MAD1L1: variants seen among roughly 807,000 people sequenced by gnomAD.
MAD1L1 encodes mitotic spindle assembly checkpoint protein MAD1.
In MAD1L1, 95 loss-of-function variants were observed where a neutral mutation model predicts 96.9. The observed-to-expected ratio is 0.98, with a 90% CI of 0.83 to 1.16. The LOEUF is 1.16. Among genes scored for constraint, MAD1L1 ranks in the 50% most tolerant of loss-of-function variants. The probability of loss-of-function intolerance (pLI) is 0.00; values close to 1 mark genes in which losing one functional copy is unlikely to be tolerated. For missense variants in MAD1L1, 1,007 were observed against 954.4 expected (o/e 1.06, Z -0.73); for synonymous variants, 473 against 396.6 (o/e 1.19, Z -2.29).
chr7:2,145,246 T>C (rs1789238853), intron 11 of MAD1L1, among the ~76,000 whole-genome samples: 1 of 152,206 alleles, frequency 6.6e-6, no homozygotes, highest in African/African-American at 2.4e-5. Context: ...AGACACTCTC[T>C]CTGCTGTAAG....
In MAD1L1 at chr7:1,827,546, C is replaced by A. The variant is rs1340655432; in HGVS notation, c.1999-11318G>T. Among the ~76,000 whole-genome samples the A allele has an allele frequency of 2.1e-4, 28 of 131,856 alleles. 1 individual carries two copies. Among genetic ancestry groups the A allele is most frequent in the South Asian group, 5.1e-4 (2 of 3,886 alleles). 86.5% of individuals were successfully genotyped at this position (131,856 alleles called of 152,430 possible). A position where few individuals can be genotyped will look rare whatever the true frequency, so the allele number is the denominator to read the frequency against. ...CCTGAGCCCGTCCCGGGTGTGGGGGCCTCCCCTCCTGAGCCCGTCCCGGGT... is the reference window on the plus strand; with the variant it reads ...CCTGAGCCCGTCCCGGGTGTGGGGGACTCCCCTCCTGAGCCCGTCCCGGGT... On this transcript the variant is annotated intron_variant, in intron 18 of 18. Transcript: ENST00000265854.
At chr7:1,938,935 G>T (rs1341446626) in intron 16 of MAD1L1, among the ~76,000 whole-genome samples, 6 of 105,660 alleles carry the variant, frequency 5.7e-5, no homozygotes, top group Non-Finnish European at 9.1e-5. Flanking sequence ...ACACATACAG[G>T]CCAGGACCGG....
chr7:1,908,107 A>G (rs1787786650), intron 17 of MAD1L1, among the ~76,000 whole-genome samples: 1 of 152,216 alleles, frequency 6.6e-6, no homozygotes, highest in South Asian at 2.1e-4. Flanking sequence ...GCCTGGGCAC[A>G]GCACCTTTCC....
chr7:1,833,263 G>A (rs112767801), intron 18 of MAD1L1, among the ~76,000 whole-genome samples: 3,949 of 152,318 alleles, frequency 0.026, 110 homozygotes, highest in Admixed American at 0.072. Flanking sequence ...AACCAAATGC[G>A]TGATATACCC....
chr7:2,034,512 G>A (rs1000957608), intron 12 of MAD1L1, among the ~76,000 whole-genome samples: 2 of 152,164 alleles, frequency 1.3e-5, no homozygotes, highest in African/African-American at 2.4e-5. Flanking sequence ...CACCGCAGCC[G>A]GCCAAGAGTT....
At chr7:2,191,462 G>A (rs1255064713) in intron 10 of MAD1L1, among the ~76,000 whole-genome samples, 1 of 152,226 alleles carries the variant, frequency 6.6e-6, no homozygotes, top group Non-Finnish European at 1.5e-5. Context: ...CTAGGGTGGA[G>A]GCTAACACCT....
chr7:1,897,944 T>C (rs1162661244), intron 18 of MAD1L1, among the ~76,000 whole-genome samples: 3 of 152,140 alleles, frequency 2.0e-5, no homozygotes, highest in Admixed American at 6.5e-5. Context: ...AGACAGAGGC[T>C]GAGAAAGTCA....
At chr7:2,007,285 C>T (rs1029564169) in intron 13 of MAD1L1, among the ~76,000 whole-genome samples, 32 of 152,236 alleles carry the variant, frequency 2.1e-4, no homozygotes, top group African/African-American at 7.0e-4. Context: ...AGTGCCACAG[C>T]GGAGCGTTCT....
chr7:1,890,937 C>T (rs1405904355), intron 18 of MAD1L1, among the ~76,000 whole-genome samples: 2 of 152,308 alleles, frequency 1.3e-5, no homozygotes, highest in South Asian at 2.1e-4. Flanking sequence ...AGTGAGAATG[C>T]GGGACCCCAG....
chr7:2,077,152 C>A (rs1277817311), intron 11 of MAD1L1, among the ~76,000 whole-genome samples: 1 of 152,196 alleles, frequency 6.6e-6, no homozygotes, highest in Admixed American at 6.5e-5. Context: ...GCACGGTGAG[C>A]CTGCCAGTGG....
chr7:2,159,982 CT>C (rs1790024165), intron 10 of MAD1L1, among the ~76,000 whole-genome samples: 1 of 152,084 alleles, frequency 6.6e-6, no homozygotes, highest in Non-Finnish European at 1.5e-5. Context: ...AATCCCAGCA[CT>C]TTGGGAGGCA....
intron 10 of MAD1L1, among the ~76,000 whole-genome samples, chr7:2,150,432 G>T (rs1471264376): frequency 1.3e-5 from 2 of 152,248 alleles, no homozygotes; most frequent in East Asian, 3.9e-4. Context: ...TGTCACTTGA[G>T]CACCCTACCC....
intron 15 of MAD1L1, among the ~76,000 whole-genome samples, chr7:1,976,047 C>G (rs1445903780): frequency 6.6e-6 from 1 of 152,264 alleles, no homozygotes; most frequent in Non-Finnish European, 1.5e-5. Context: ...TCCCCACCGA[C>G]GCTCTCTCTA....
chr7:2,159,275 G>A (rs930613819), intron 10 of MAD1L1, among the ~76,000 whole-genome samples: 3 of 152,228 alleles, frequency 2.0e-5, no homozygotes, highest in African/African-American at 7.2e-5. Context: ...GGAGGCATCT[G>A]CTTCTCCACG....
chr7:2,052,444 C>G (rs1186090399), intron 12 of MAD1L1, among the ~76,000 whole-genome samples: 1 of 150,306 alleles, frequency 6.7e-6, no homozygotes, highest in African/African-American at 2.5e-5. Context: ...GCACAGCAGG[C>G]AGGGAGGGCG....
In MAD1L1 at chr7:2,069,256, T is replaced by A; in HGVS notation, c.1156A>T (p.Lys386Ter). Residue 386 changes from lysine (K) to a stop codon, truncating the protein, a stop_gained, in exon 12 of 19, where the codon AAG becomes TAG. Transcript: ENST00000265854. LOFTEE classifies it high-confidence loss of function. ...GCCAGCGCCTCGTGGGTCTCGCGCT[T>A]CTTCCTCTCCTCCAACAGCTGGCCG... ...VSGQLLEERK[K>*]RETHEALARR... The A allele has an allele frequency of 6.2e-7, 1 of 1,612,148 alleles. No homozygotes were observed.
chr7:1,888,390 G>GTGTGCATGCATGTGGCTGCC (rs1562493031), intron 18 of MAD1L1, among the ~76,000 whole-genome samples: 1 of 148,316 alleles, frequency 6.7e-6, no homozygotes, highest in Non-Finnish European at 1.5e-5. Context: ...CTATGCGTGT[G>GTGTGCATGCATGTGGCTGCC]TGTGCATGCG....
chr7:1,955,489 C>T (rs1011369299), intron 16 of MAD1L1, among the ~76,000 whole-genome samples: 3 of 152,178 alleles, frequency 2.0e-5, no homozygotes, highest in Non-Finnish European at 4.4e-5. Flanking sequence ...CAGGGTTTCA[C>T]CATGTTGGCC....
intron 18 of MAD1L1, among the ~76,000 whole-genome samples, chr7:1,868,400 C>T (rs534588704): frequency 1.3e-5 from 2 of 152,260 alleles, no homozygotes; most frequent in South Asian, 2.1e-4. Context: ...GGGCTGCTCC[C>T]ACGCAGGCCG....
Sources: allele counts gnomAD v4.1 joint callset (sites outside exome capture counted in the v4.1 genomes callset), GRCh38; gene constraint gnomAD v4.1.1; transcripts MANE v1.5; gene names NCBI Gene and HGNC (gene_info 2026-07-23, HGNC 2026-07-21).